GSG1L: variants seen among roughly 807,000 people sequenced by gnomAD.
GSG1L encodes GSG1 like.
In GSG1L, 24 loss-of-function variants were observed where a neutral mutation model predicts 42.1. The observed-to-expected ratio is 0.57, with a 90% CI of 0.41 to 0.80. GSG1L has a LOEUF of 0.80. Among genes scored for constraint, GSG1L ranks in the 30% least tolerant of loss-of-function variants. The pLI is 0.00. For synonymous variants in GSG1L, 215 were observed against 203.5 expected (o/e 1.06, Z -0.48); for missense variants, 445 against 472.2 (o/e 0.94, Z 0.53).
At chr16:28,035,884 A>G (rs141895502) in intron 1 of GSG1L, among the ~76,000 whole-genome samples, 2 of 152,192 alleles carry the variant, frequency 1.3e-5, no homozygotes, top group African/African-American at 4.8e-5. Flanking sequence ...TCCAGACCCC[A>G]GTCCCTCAGG....
chr16:27,927,013 C>T (rs780842520), intron 2 of GSG1L, among the ~76,000 whole-genome samples: 13 of 152,160 alleles, frequency 8.5e-5, no homozygotes, highest in Non-Finnish European at 1.6e-4. Flanking sequence ...CACTGAGTGG[C>T]CTCCCTCGAC....
intron 4 of GSG1L, among the ~76,000 whole-genome samples, chr16:27,838,193 T>C (rs2083340147): frequency 6.6e-6 from 1 of 152,236 alleles, no homozygotes; most frequent in Non-Finnish European, 1.5e-5. Flanking sequence ...CCTAGAATGG[T>C]GCCTGGCACA....
chr16:27,808,540 TC>T (rs1316052051), intron 5 of GSG1L, among the ~76,000 whole-genome samples: 1 of 151,590 alleles, frequency 6.6e-6, no homozygotes, highest in Non-Finnish European at 1.5e-5. Flanking sequence ...TGCCTCAGCC[TC>T]CCGAGTAGCT....
chr16:28,022,453 C>T (rs1429028730), intron 1 of GSG1L, among the ~76,000 whole-genome samples: 1 of 151,498 alleles, frequency 6.6e-6, no homozygotes, highest in Non-Finnish European at 1.5e-5. Context: ...GCCAGGACTA[C>T]AGGTACAAGC....
intron 5 of GSG1L, among the ~76,000 whole-genome samples, chr16:27,819,834 A>AGCT (rs1304895304): frequency 1.3e-5 from 2 of 152,326 alleles, no homozygotes; most frequent in Middle Eastern, 3.4e-3. Context: ...GAGGCATTGC[A>AGCT]GCTTCTGGGG....
chr16:27,880,609 T>C (rs1027782960), intron 3 of GSG1L, among the ~76,000 whole-genome samples: 4 of 152,128 alleles, frequency 2.6e-5, no homozygotes, highest in Non-Finnish European at 5.9e-5. Context: ...ACAGTGGGTC[T>C]CCCCACTAGG....
Position 27,980,039 on chromosome 16 carries a change from G to A in GSG1L, c.350-16836C>T, listed in dbSNP as rs115673538. On this transcript the variant is annotated intron_variant, in intron 1 of 6. Transcript: ENST00000447459. ...ATGTCACTCCTCCCAAGGAGAGCCC[G>A]GGCGTCTTCCCAAGCCAGAAGCAGG... Among the ~76,000 whole-genome samples, 626 of 152,206 alleles carry A rather than the reference G, an allele frequency of 4.1e-3. 3 individuals carry two copies. Among genetic ancestry groups the A allele is most frequent in the African/African-American group, 0.014 (596 of 41,540 alleles).
At chr16:27,802,659 C>G (rs1023010678) in intron 6 of GSG1L, among the ~76,000 whole-genome samples, 1 of 152,014 alleles carries the variant, frequency 6.6e-6, no homozygotes, top group East Asian at 1.9e-4. Flanking sequence ...CACTGTGTCT[C>G]CCTACCCTAC....
intron 1 of GSG1L, among the ~76,000 whole-genome samples, chr16:28,000,507 G>C (rs547630913): frequency 3.3e-5 from 5 of 152,086 alleles, no homozygotes; most frequent in African/African-American, 4.8e-5. Flanking sequence ...GCTTAGTCCT[G>C]CCAGAATCCA....
intron 1 of GSG1L, among the ~76,000 whole-genome samples, chr16:28,033,260 C>T (rs913996765): frequency 2.6e-5 from 4 of 152,204 alleles, no homozygotes; most frequent in Admixed American, 2.6e-4. Flanking sequence ...AAGCCTTCTC[C>T]GACCTCACTA....
At chr16:28,020,121 T>C (rs979188038) in intron 1 of GSG1L, among the ~76,000 whole-genome samples, 11 of 152,340 alleles carry the variant, frequency 7.2e-5, no homozygotes, top group African/African-American at 2.6e-4. Context: ...TGGCGAGTGA[T>C]TGAAGTCAAA....
At chr16:27,979,213 C>T (rs966001977) in intron 1 of GSG1L, among the ~76,000 whole-genome samples, 1 of 152,034 alleles carries the variant, frequency 6.6e-6, no homozygotes, top group African/African-American at 2.4e-5. Context: ...ACTACAGAGG[C>T]TGAGACAGGA....
At chr16:27,792,689 G>A (rs535812807) in intron 6 of GSG1L, among the ~76,000 whole-genome samples, 6 of 152,210 alleles carry the variant, frequency 3.9e-5, no homozygotes, top group Non-Finnish European at 7.3e-5. Flanking sequence ...CATCACCCCC[G>A]TTAGACCCCA....
chr16:27,816,582 C>T (rs1239099039), intron 5 of GSG1L, among the ~76,000 whole-genome samples: 1 of 152,210 alleles, frequency 6.6e-6, no homozygotes, highest in Non-Finnish European at 1.5e-5. Flanking sequence ...TTCTTGGTAG[C>T]CTGGCTGTCC....
chr16:27,919,576 A>G (rs1441010968), intron 2 of GSG1L, among the ~76,000 whole-genome samples: 2 of 152,234 alleles, frequency 1.3e-5, no homozygotes. Context: ...CAAATGCAGC[A>G]GAACATCTAG....
chr16:27,842,850 G>C (rs1174451487), intron 4 of GSG1L, among the ~76,000 whole-genome samples: 1 of 152,082 alleles, frequency 6.6e-6, no homozygotes, highest in East Asian at 1.9e-4. Context: ...CTCACCTCCA[G>C]GTCCTTGGAC....
intron 2 of GSG1L, among the ~76,000 whole-genome samples, chr16:27,908,951 T>G (rs1382984464): frequency 6.6e-6 from 1 of 152,160 alleles, no homozygotes; most frequent in African/African-American, 2.4e-5. Context: ...TCTATGCCCT[T>G]ACAGCCCCTC....
intron 1 of GSG1L, among the ~76,000 whole-genome samples, chr16:28,056,800 G>A (rs1160830921): frequency 6.6e-6 from 1 of 152,040 alleles, no homozygotes; most frequent in African/African-American, 2.4e-5. Context: ...CCAGCAGGGA[G>A]ATGGATGATA....
intron 1 of GSG1L, among the ~76,000 whole-genome samples, chr16:28,039,079 G>C (rs531899496): frequency 1.7e-4 from 26 of 152,334 alleles, no homozygotes; most frequent in African/African-American, 6.3e-4. Context: ...CCTTAGAAAA[G>C]AGAGAATAAG....
Sources: allele counts gnomAD v4.1 joint callset (sites outside exome capture counted in the v4.1 genomes callset), GRCh38; gene constraint gnomAD v4.1.1; transcripts MANE v1.5; gene names NCBI Gene and HGNC (gene_info 2026-07-23, HGNC 2026-07-21).